Variants in ERC1 observed in about 807,000 individuals in gnomAD.
The protein encoded by ERC1 is ELKS/RAB6-interacting/CAST family member 1.
Under a neutral mutation model 132.0 loss-of-function variants are expected in ERC1, and 56 were observed. That is an observed-to-expected ratio of 0.42 (90% CI 0.34 to 0.53). The LOEUF (loss-of-function observed/expected upper bound fraction) is 0.53. Among genes scored for constraint, ERC1 ranks in the 20% least tolerant of loss-of-function variants. The pLI is 0.03. For missense variants in ERC1, 1,202 were observed against 1,349.9 expected, an observed-to-expected ratio of 0.89 and a Z score of 1.72; for synonymous variants, 478 against 476.1, an observed-to-expected ratio of 1.00 and a Z score of -0.05.
intron 17 of ERC1, among the ~76,000 whole-genome samples, chr12:1,440,244 GC>G (rs1319284935): frequency 8.0e-6 from 1 of 124,464 alleles, no homozygotes; most frequent in Non-Finnish European, 1.6e-5. Context: ...TTGCTCTGTC[GC>G]CCAGGCTGGA....
chr12:1,115,672 A>G (rs1946364582), intron 6 of ERC1, 194 bp from the exon 7 acceptor site: 3 of 446,418 alleles, frequency 6.7e-6, no homozygotes, highest in Non-Finnish European at 1.2e-5. Flanking sequence ...TATTGGTTGA[A>G]TAAGTTTAGT....
At chr12:1,193,589 G>T (rs1000505445) in intron 12 of ERC1, among the ~76,000 whole-genome samples, 2 of 152,014 alleles carry the variant, frequency 1.3e-5, no homozygotes, top group Non-Finnish European at 2.9e-5. Flanking sequence ...ACAGAGAATA[G>T]TCTTGTAAAA....
At chr12:1,298,665 AAAG>A (rs1267506810) in intron 15 of ERC1, among the ~76,000 whole-genome samples, 4 of 152,056 alleles carry the variant, frequency 2.6e-5, no homozygotes, top group Non-Finnish European at 4.4e-5. Context: ...AACAACAAAT[AAAG>A]AACAGAAACA....
At chr12:1,402,867 A>T (rs2091193039) in intron 16 of ERC1, among the ~76,000 whole-genome samples, 1 of 152,222 alleles carries the variant, frequency 6.6e-6, no homozygotes, top group African/African-American at 2.4e-5. Context: ...TAAAGAATTA[A>T]TTAGTCTGCT....
intron 1 of ERC1, among the ~76,000 whole-genome samples, chr12:1,016,698 G>A (rs1224863386): frequency 6.8e-6 from 1 of 147,222 alleles, no homozygotes; most frequent in East Asian, 2.0e-4. Flanking sequence ...AGGCTGGAGT[G>A]CAGTGGTGCG....
At chr12:1,340,640 C>A (rs760673532) in intron 15 of ERC1, among the ~76,000 whole-genome samples, 8 of 152,150 alleles carry the variant, frequency 5.3e-5, no homozygotes, top group Non-Finnish European at 8.8e-5. Context: ...CCCTTTCAGC[C>A]TGCTTCTGTG....
chr12:1,339,752 G>T (rs984605916), intron 15 of ERC1, among the ~76,000 whole-genome samples: 2 of 152,184 alleles, frequency 1.3e-5, no homozygotes, highest in Non-Finnish European at 2.9e-5. Context: ...GTGGGGACAG[G>T]TCTCTGTGTG....
chr12:1,279,402 C>A (rs946073352), intron 14 of ERC1, among the ~76,000 whole-genome samples: 1 of 152,076 alleles, frequency 6.6e-6, no homozygotes, highest in Admixed American at 6.5e-5. Flanking sequence ...TAGTTTCTTC[C>A]TCTAGAAAAA....
intron 18 of ERC1, among the ~76,000 whole-genome samples, chr12:1,455,323 C>T (rs1039485788): frequency 6.6e-6 from 1 of 152,170 alleles, no homozygotes; most frequent in South Asian, 2.1e-4. Flanking sequence ...TTACTTCTAT[C>T]TAACTATATT....
intron 12 of ERC1, among the ~76,000 whole-genome samples, chr12:1,231,360 A>G (rs1385448864): frequency 6.6e-6 from 1 of 152,068 alleles, no homozygotes; most frequent in South Asian, 2.1e-4. Context: ...ACATCTTTTT[A>G]TATTTGTGTA....
intron 16 of ERC1, among the ~76,000 whole-genome samples, chr12:1,407,792 A>G (rs1203878203): frequency 1.3e-5 from 2 of 152,150 alleles, no homozygotes; most frequent in African/African-American, 4.8e-5. Flanking sequence ...TATGACAGAG[A>G]TATAAAGAGA....
At chr12:1,412,665 C>CTAGGT (rs1323756876) in intron 17 of ERC1, among the ~76,000 whole-genome samples, 1 of 152,170 alleles carries the variant, frequency 6.6e-6, no homozygotes, top group Non-Finnish European at 1.5e-5. Flanking sequence ...GACCTCTCCA[C>CTAGGT]CTGCCCTGTG....
intron 8 of ERC1, among the ~76,000 whole-genome samples, chr12:1,166,005 A>C (rs913310913): frequency 1.5e-4 from 23 of 152,150 alleles, no homozygotes; most frequent in African/African-American, 4.1e-4. Context: ...ATTTGCCTAT[A>C]CTGGATGAGA....
At chr12:1,206,687 C>T (rs1196652794) in intron 12 of ERC1, among the ~76,000 whole-genome samples, 3 of 152,064 alleles carry the variant, frequency 2.0e-5, no homozygotes, top group Non-Finnish European at 4.4e-5. Flanking sequence ...TGATTTGGTT[C>T]AGAATTCTTC....
rs147408337 is a variant in ERC1, at chr12:1,305,101, G to A, written c.2780+15089G>A. Among the ~76,000 whole-genome samples the A allele has an allele frequency of 2.6e-3, 394 of 152,196 alleles. 2 individuals carry two copies. The highest frequency in any genetic ancestry group is 9.0e-3 in the African/African-American group (375 of 41,556). On this transcript the variant is annotated intron_variant, in intron 15 of 18. Coordinates refer to ENST00000360905, the MANE Select transcript of ERC1 (RefSeq NM_178040.4). Reference sequence around the variant, plus strand: ...GGCCTGTTTGTTGTAACTCTTAAACGAGGACTTGTTTTCTAATCTTTGGTA... The same window carrying A: ...GGCCTGTTTGTTGTAACTCTTAAACAAGGACTTGTTTTCTAATCTTTGGTA...
At position 1,307,671 on chromosome 12, in the gene ERC1, G is replaced by A. The variant is rs189736566; in HGVS notation, c.2780+17659G>A. 7.2e-5 allele frequency among the ~76,000 whole-genome samples: 11 copies of A among 152,290 alleles called. No homozygotes were observed. The East Asian group carries it at 1.7e-3, about 24-fold the overall frequency. ...TAGTCACCAATCACTGTTTAGGTAA[G>A]TTGATGATTCCTTTTTGCTACCCAA... On this transcript the variant is annotated intron_variant, in intron 15 of 18. Coordinates refer to ENST00000360905, the MANE Select transcript of ERC1 (RefSeq NM_178040.4).
intron 12 of ERC1, among the ~76,000 whole-genome samples, chr12:1,214,659 TATAC>T (rs1266150029): frequency 2.1e-4 from 20 of 94,978 alleles, no homozygotes; most frequent in Middle Eastern, 0.011. Flanking sequence ...TGCGTGTGTG[TATAC>T]ATACACACAC....
At chr12:1,083,005 T>C (rs1308458351) in intron 2 of ERC1, 159 bp from the exon 3 acceptor site, 1 of 617,218 alleles carries the variant, frequency 1.6e-6, no homozygotes, top group Non-Finnish European at 2.8e-6. Flanking sequence ...TTGCATATTA[T>C]CTCAATCATT....
intron 15 of ERC1, among the ~76,000 whole-genome samples, chr12:1,334,415 T>G (rs897986396): frequency 6.6e-6 from 1 of 152,244 alleles, no homozygotes; most frequent in Non-Finnish European, 1.5e-5. Context: ...TTGTATAGGG[T>G]GTAAGGAAGG....
Sources: allele counts gnomAD v4.1 joint callset (sites outside exome capture counted in the v4.1 genomes callset), GRCh38; gene constraint gnomAD v4.1.1; transcripts MANE v1.5; gene names NCBI Gene and HGNC (gene_info 2026-07-23, HGNC 2026-07-21).